The following KIF21B variants were observed in gnomAD, a reference collection of about 807,000 sequenced individuals.
KIF21B encodes the protein kinesin-like protein KIF21B.
Under a neutral mutation model 192.9 loss-of-function variants are expected in KIF21B, and 85 were observed. That is an observed-to-expected ratio of 0.44 (90% CI 0.37 to 0.53). KIF21B has a LOEUF of 0.53. KIF21B is among the 20% of genes least tolerant of loss of function. The pLI, the probability that KIF21B is intolerant of heterozygous loss-of-function variation, is 0.00. For synonymous variants in KIF21B, 832 were observed against 884.6 expected (o/e 0.94, Z 1.05); for missense variants, 1,716 against 2,194.8 (o/e 0.78, Z 4.36).
chr1:200,979,441 G>C, intron 30 of KIF21B, 94 bp downstream of exon 30: 1 of 946,568 alleles, frequency 1.1e-6, no homozygotes, highest in East Asian at 2.9e-5. Flanking sequence ...TAGCCGGGCT[G>C]TGCTGTGCTG....
At chr1:201,015,770 G>A (rs1658468441) in intron 1 of KIF21B, among the ~76,000 whole-genome samples, 1 of 152,174 alleles carries the variant, frequency 6.6e-6, no homozygotes, top group South Asian at 2.1e-4. Context: ...TCAGTGAGAG[G>A]GCAAGATCAA....
rs761735282 is a variant in KIF21B at position 200,991,634 on chromosome 1, G to A, written c.2454+23C>T. On this transcript the variant is annotated intron_variant, in intron 17 of 34. Coordinates refer to ENST00000461742, the MANE Select transcript of KIF21B (RefSeq NM_001252102.2). ...ACATGTGCAGCAGGGCCAGGGCCTC[G>A]CCAGCCCCTCGAGTGAGCTCACCTC... 7.4e-6 allele frequency: 12 copies of A among 1,611,674 alleles called. No homozygotes were observed. Among genetic ancestry groups the A allele is most frequent in the South Asian group, 4.4e-5 (4 of 91,022 alleles).
At chr1:201,010,634 G>A (rs544907066) in intron 1 of KIF21B, among the ~76,000 whole-genome samples, 53 of 152,234 alleles carry the variant, frequency 3.5e-4, no homozygotes, top group African/African-American at 1.2e-3. Flanking sequence ...CACTTACAAT[G>A]AGCTGCTTGT....
Position 201,000,723 on chromosome 1 carries a change from T to G in KIF21B, c.1460A>C (p.Glu487Ala). The stretch of plus-strand genomic sequence containing the variant: ...CCGGAGCTCACTCACTCACCGTAGC[T>G]CCTCGATCTCCCGGATGTAGTTCTG... ...LIQNYIREIEELRTKLLESEA... is the reference protein window; with the variant it reads ...LIQNYIREIEALRTKLLESEA... The change falls in exon 10 of 35, where the codon GAG (glutamate) becomes GCG (alanine). Residue 487 changes from glutamate to alanine, a missense_variant. Coordinates refer to ENST00000461742, the MANE Select transcript of KIF21B (RefSeq NM_001252102.2). The surrounding 1 kb of genome is among the most constrained non-coding windows in gnomAD (Gnocchi z 6.0). 1 of 1,614,178 alleles carries G rather than the reference T, an allele frequency of 6.2e-7. No homozygotes were observed. Among genetic ancestry groups the G allele is most frequent in the Non-Finnish European group, 8.5e-7 (1 of 1,180,008 alleles).
rs1657255984 is a variant in KIF21B, at chr1:200,998,835, G to T, written c.1886-260C>A. Reference sequence around the variant, plus strand: ...CTACACGTCCTTCCCAGCCATTCGAGGCCAGCATCCACCTGTTCCAGATGA... The same window carrying T: ...CTACACGTCCTTCCCAGCCATTCGATGCCAGCATCCACCTGTTCCAGATGA... On this transcript the variant is annotated intron_variant, in intron 13 of 34. Transcript: ENST00000461742. This position sits in a 1 kb window ranked among gnomAD's most constrained non-coding sequence, Gnocchi z 4.3. 6.6e-6 allele frequency among the ~76,000 whole-genome samples: 1 copy of T among 152,188 alleles called. No homozygotes were observed. Among genetic ancestry groups the T allele is most frequent in the African/African-American group, 2.4e-5 (1 of 41,454 alleles).
At chr1:200,976,954 G>A in intron 31 of KIF21B, 61 bp from the exon 32 acceptor site, 11 of 1,313,782 alleles carry the variant, frequency 8.4e-6, no homozygotes, top group Non-Finnish European at 1.2e-5. Flanking sequence ...GGGTTGGGGT[G>A]GGGTGTCTGC....
rs939041345 is a variant in KIF21B at position 200,975,010 on chromosome 1, C to T, written c.4615-97G>A. 5 of 1,235,388 alleles carry T rather than the reference C, an allele frequency of 4.0e-6. No individual in the cohort carries two copies. Among genetic ancestry groups the T allele is most frequent in the Admixed American group, 1.9e-5 (1 of 53,600 alleles). The allele number at this position is 1,235,388 out of a possible 1,614,324, so 76.5% of individuals were successfully genotyped here. A position where few individuals can be genotyped will look rare whatever the true frequency, so the allele number is the denominator to read the frequency against. On this transcript the variant is annotated intron_variant, in intron 33 of 34. Coordinates refer to ENST00000461742, the MANE Select transcript of KIF21B (RefSeq NM_001252102.2). The surrounding 1 kb of genome is among the most constrained non-coding windows in gnomAD (Gnocchi z 4.3). Reference sequence around the variant, plus strand: ...TGCTAGTAGTGGAGCTACTTCCAGGCTCCCCTGGCCTCTAGAGCTGCCACA... The same window carrying T: ...TGCTAGTAGTGGAGCTACTTCCAGGTTCCCCTGGCCTCTAGAGCTGCCACA...
chr1:201,000,634 G>A lies in KIF21B; in HGVS notation c.1467-26C>T, dbSNP rs376859449. The A allele has an allele frequency of 6.2e-7, 1 of 1,613,252 alleles. No homozygotes were observed. The highest frequency in any genetic ancestry group is 8.5e-7 in the Non-Finnish European group (1 of 1,179,712). On this transcript the variant is annotated intron_variant, in intron 10 of 34. Transcript: ENST00000461742. This position sits in a 1 kb window ranked among gnomAD's most constrained non-coding sequence, Gnocchi z 6.0. ...CTGCACAGGAAGAACGAGTGGACGG[G>A]GCCGAGTGAGCTGCCACAGCCCTTG...
At chr1:201,013,955 C>A (rs1658363136) in intron 1 of KIF21B, among the ~76,000 whole-genome samples, 1 of 152,216 alleles carries the variant, frequency 6.6e-6, no homozygotes, top group Non-Finnish European at 1.5e-5. Flanking sequence ...CCGTCCATCC[C>A]TTCTCAAGGT....
At chr1:201,010,389 C>T (rs957577754) in intron 1 of KIF21B, among the ~76,000 whole-genome samples, 4 of 152,016 alleles carry the variant, frequency 2.6e-5, no homozygotes, top group Non-Finnish European at 5.9e-5. Context: ...AAAGCGGCAT[C>T]AGGACTGAGA....
At chr1:200,980,916 G>A (rs2102385751) in intron 29 of KIF21B, 44 bp downstream of exon 29, 1 of 1,594,894 alleles carries the variant, frequency 6.3e-7, no homozygotes, top group South Asian at 1.1e-5. Flanking sequence ...GCAGGGGTGA[G>A]TAGGAGACCC....
chr1:200,998,632 C>T lies in KIF21B; in HGVS notation c.1886-57G>A, dbSNP rs980265414. 8 of 1,524,864 alleles carry T rather than the reference C, an allele frequency of 5.2e-6. No individual in the cohort carries two copies. Among genetic ancestry groups the T allele is most frequent in the Non-Finnish European group, 4.5e-6 (5 of 1,111,430 alleles). 94.5% of individuals were successfully genotyped at this position (1,524,864 alleles called of 1,614,324 possible). ...TTAGGGCGAGGGGCAAATTGGGGAG[C>T]AGATGTGCCAGTGCTGGGGAGCTGG... On this transcript the variant is annotated intron_variant, in intron 13 of 34. Coordinates refer to ENST00000461742, the MANE Select transcript of KIF21B (RefSeq NM_001252102.2). This position sits in a 1 kb window ranked among gnomAD's most constrained non-coding sequence, Gnocchi z 4.3.
intron 9 of KIF21B, 163 bp downstream of exon 9, chr1:201,001,998 G>A (rs1304841076): frequency 3.2e-6 from 2 of 615,576 alleles, no homozygotes; most frequent in Admixed American, 5.5e-5. Context: ...TATTACTTGT[G>A]CCATACAAAA....
intron 29 of KIF21B, among the ~76,000 whole-genome samples, chr1:200,980,193 G>A (rs1449535039): frequency 4.6e-5 from 7 of 152,298 alleles, no homozygotes; most frequent in African/African-American, 1.2e-4. Flanking sequence ...TATAGTATGC[G>A]TGTCTATTAC....
chr1:200,985,782 TC>T (rs1296303398), intron 26 of KIF21B, among the ~76,000 whole-genome samples: 38 of 45,114 alleles, frequency 8.4e-4, no homozygotes, highest in Non-Finnish European at 1.3e-3. Flanking sequence ...CCCCTCCCCT[TC>T]CCCCTCCCCT....
rs917442517 is a variant in KIF21B, at chr1:200,982,971, C to T, written c.3842+85G>A. 6.3e-6 allele frequency: 8 copies of T among 1,268,674 alleles called. No individual in the cohort carries two copies. The highest frequency in any genetic ancestry group is 5.0e-5 in the East Asian group (2 of 39,612). The allele number at this position is 1,268,674 out of a possible 1,614,324, so 78.6% of individuals were successfully genotyped here. ...GCATGCTGAGGACACGGGTGTCAGG[C>T]GGGAGGGATGCAGCAAGAGACAGAG... On this transcript the variant is annotated intron_variant, in intron 28 of 34. Transcript: ENST00000461742. The surrounding 1 kb of genome is among the most constrained non-coding windows in gnomAD (Gnocchi z 4.7).
At position 200,976,784 on chromosome 1, in the gene KIF21B, A is replaced by G. The variant is rs1178947844; in HGVS notation, c.4435T>C (p.Tyr1479His). The G allele has an allele frequency of 6.2e-7, 1 of 1,609,568 alleles. No homozygotes were observed. The highest frequency in any genetic ancestry group is 1.7e-4 in the Middle Eastern group (1 of 6,052). The change falls in exon 32 of 35, where the codon TAC becomes CAC. Residue 1479 changes from tyrosine (Y) to histidine (H), a missense_variant. By Grantham distance (83) the Tyr-to-His change is moderately conservative. This residue lies in a region of KIF21B where 580 missense variants were observed against 775.5 expected (regional missense o/e 0.75). Transcript: ENST00000461742. ...CCTCATAGCTGAGGTACCTTAACGT[A>G]GTGGTCCTTGGAGCCAGTCACCACG... The part of the protein sequence containing the change: ...DLVVTGSKDH[Y>H]VKMFELGECV...
Position 201,002,324 on chromosome 1 carries a change from G to A in KIF21B, c.1239C>T (p.Gly413=), listed in dbSNP as rs532433276. The A allele has an allele frequency of 2.8e-5, 45 of 1,614,046 alleles. No homozygotes were observed. Among genetic ancestry groups the A allele is most frequent in the Admixed American group, 8.3e-5 (5 of 60,014 alleles). Residue 413 remains glycine, a synonymous_variant, in exon 9 of 35, where the codon GGC becomes GGT. Coordinates refer to ENST00000461742, the MANE Select transcript of KIF21B (RefSeq NM_001252102.2). ...KAGKRVIGED[G]AEGYSDLFRE... ...GGAACAGATCACTATAGCCCTCAGC[G>A]CCATCCTCTCCTATCACTCGCTTGC...
rs1259544080 is a variant in KIF21B at position 201,005,538 on chromosome 1, G to A, written c.597+7C>T. 6 of 1,610,920 alleles carry A rather than the reference G, an allele frequency of 3.7e-6. No homozygotes were observed. The highest frequency in any genetic ancestry group is 3.3e-5 in the Admixed American group (2 of 59,830). ...GGACCTGCTCCAGACCTCCAGCAGA[G>A]GCTCACCTCCTCCTGGGAGTGGATG... On this transcript the variant is annotated splice_region_variant and intron_variant, in intron 4 of 34. Transcript: ENST00000461742.
Sources: allele counts gnomAD v4.1 joint callset (sites outside exome capture counted in the v4.1 genomes callset), GRCh38; gene constraint gnomAD v4.1.1; regional missense constraint gnomAD v4.1.1; non-coding constraint Gnocchi (gnomAD v3.1); transcripts MANE v1.5; gene names NCBI Gene and HGNC (gene_info 2026-07-23, HGNC 2026-07-21).